Variants in RASA1 observed in about 807,000 individuals in gnomAD.
RASA1 encodes the protein RAS p21 protein activator 1.
Under a neutral mutation model 132.2 loss-of-function variants are expected in RASA1, and 25 were observed. The observed-to-expected ratio is 0.19, with a 90% CI of 0.14 to 0.26. The LOEUF is 0.26. Ranked by LOEUF, RASA1 falls within the 10% of genes least tolerant of loss-of-function variation. The pLI, the probability that RASA1 is intolerant of heterozygous loss-of-function variation, is 1.00. For synonymous variants in RASA1, 477 were observed against 449.9 expected, an observed-to-expected ratio of 1.06 and a Z score of -0.76; for missense variants, 964 against 1,299.2, an observed-to-expected ratio of 0.74 and a Z score of 3.97.
intron 1 of RASA1, among the ~76,000 whole-genome samples, chr5:87,297,334 GTATACA>G (rs2112277697): frequency 6.6e-6 from 1 of 152,210 alleles, no homozygotes; most frequent in South Asian, 2.1e-4. Context: ...TTATTGAAAG[GTATACA>G]TGATGTACTA....
intron 1 of RASA1, among the ~76,000 whole-genome samples, chr5:87,272,403 A>T (rs1753885273): frequency 6.6e-6 from 1 of 152,132 alleles, no homozygotes; most frequent in South Asian, 2.1e-4. Context: ...TGTAGTGGTT[A>T]AGCGTGCAGA....
At chr5:87,307,299 C>T (rs1295705606) in intron 1 of RASA1, among the ~76,000 whole-genome samples, 1 of 152,062 alleles carries the variant, frequency 6.6e-6, no homozygotes, top group Non-Finnish European at 1.5e-5. Flanking sequence ...TTTTTATGCT[C>T]TAGTAAGTGT....
intron 1 of RASA1, among the ~76,000 whole-genome samples, chr5:87,302,759 C>T (rs1268188952): frequency 1.3e-5 from 2 of 151,080 alleles, no homozygotes; most frequent in Non-Finnish European, 2.9e-5. Flanking sequence ...GCCTAATACG[C>T]ACACCACCTC....
rs1756740944 is a variant in RASA1 at position 87,320,847 on chromosome 5, T to C, written c.540-10501T>C. ...AAGCAAAAATTGAATGATGACTGCATTGTGAAAAGACAAGGTGAAAACAAG... is the reference window on the plus strand; with the variant it reads ...AAGCAAAAATTGAATGATGACTGCACTGTGAAAAGACAAGGTGAAAACAAG... On this transcript the variant is annotated intron_variant, in intron 1 of 24. Coordinates refer to ENST00000274376, the MANE Select transcript of RASA1 (RefSeq NM_002890.3). Among the ~76,000 whole-genome samples, 7 of 152,322 alleles carry C rather than the reference T, an allele frequency of 4.6e-5. No homozygotes were observed. The South Asian group carries it at 1.5e-3, about 32-fold the overall frequency.
chr5:87,271,731 C>T lies in RASA1; in HGVS notation c.539+2741C>T, dbSNP rs191114321. Among the ~76,000 whole-genome samples the T allele has an allele frequency of 5.3e-5, 8 of 152,006 alleles. No individual in the cohort carries two copies. The East Asian group carries it at 1.5e-3, about 29-fold the overall frequency. On this transcript the variant is annotated intron_variant, in intron 1 of 24. Coordinates refer to ENST00000274376, the MANE Select transcript of RASA1 (RefSeq NM_002890.3). Reference sequence around the variant, plus strand: ...CTCTGACCTCAGGTGATCCACTTGCCTCCCGAAGTGCTGGGATTACAGGTG... The same window carrying T: ...CTCTGACCTCAGGTGATCCACTTGCTTCCCGAAGTGCTGGGATTACAGGTG...
chr5:87,273,700 CTTTTTTTTTTTT>C (rs539277152), intron 1 of RASA1, among the ~76,000 whole-genome samples: 1 of 138,390 alleles, frequency 7.2e-6, no homozygotes, highest in African/African-American at 2.6e-5. Context: ...TTTTCTTTTT[CTTTTTTTTTTTT>C]TTTGAGATGG....
chr5:87,350,534 CTT>C (rs1208555208), intron 8 of RASA1, among the ~76,000 whole-genome samples: 1 of 151,568 alleles, frequency 6.6e-6, no homozygotes, highest in African/African-American at 2.4e-5. Flanking sequence ...TTGTTACTAA[CTT>C]AAACTTCCTT....
At position 87,374,291 on chromosome 5, in the gene RASA1, C is replaced by T; in HGVS notation, c.1905C>T (p.Asn635=). ...VAKTHAREGQ[N]PVWSEEFVFD... ...AAACTCATGCAAGGGAAGGGCAAAACCCAGTATGGTCAGAAGAGTTTGTCT... is the reference window on the plus strand; with the variant it reads ...AAACTCATGCAAGGGAAGGGCAAAATCCAGTATGGTCAGAAGAGTTTGTCT... The change falls in exon 14 of 25, where the codon AAC becomes AAT. Residue 635 remains asparagine (N), a synonymous_variant. Coordinates refer to ENST00000274376, the MANE Select transcript of RASA1 (RefSeq NM_002890.3). 1 of 1,605,788 alleles carries T rather than the reference C, an allele frequency of 6.2e-7. No individual in the cohort carries two copies. The highest frequency in any genetic ancestry group is 8.5e-7 in the Non-Finnish European group (1 of 1,175,362).
chr5:87,317,110 C>T (rs563466455), intron 1 of RASA1, among the ~76,000 whole-genome samples: 3 of 151,982 alleles, frequency 2.0e-5, no homozygotes, highest in East Asian at 1.9e-4. Context: ...CTTAAGTTCC[C>T]GGCCTCATGT....
At chr5:87,368,813 T>A (rs1009765866) in intron 11 of RASA1, among the ~76,000 whole-genome samples, 43 of 152,110 alleles carry the variant, frequency 2.8e-4, no homozygotes, top group Non-Finnish European at 1.5e-5. Context: ...GAATGTCGGG[T>A]TAATTATAGT....
intron 1 of RASA1, among the ~76,000 whole-genome samples, chr5:87,329,272 C>CT (rs1301272612): frequency 2.7e-5 from 4 of 147,812 alleles, no homozygotes; most frequent in African/African-American, 1.0e-4. Flanking sequence ...TGGCAAAACT[C>CT]TGTCTCTCCA....
At chr5:87,338,368 G>A (rs2112387581) in intron 5 of RASA1, among the ~76,000 whole-genome samples, 1 of 150,486 alleles carries the variant, frequency 6.6e-6, no homozygotes, top group South Asian at 2.1e-4. Context: ...GTCTTGGTCT[G>A]TTACCCAGGC....
chr5:87,380,629 A>G (rs1419591086), intron 20 of RASA1, 34 bp downstream of exon 20: 2 of 1,508,876 alleles, frequency 1.3e-6, no homozygotes, highest in East Asian at 2.3e-5. Context: ...TAAATCACAT[A>G]CTAATAGGTG....
At chr5:87,390,540 G>T (rs1762431992) in intron 24 of RASA1, among the ~76,000 whole-genome samples, 1 of 152,152 alleles carries the variant, frequency 6.6e-6, no homozygotes, top group South Asian at 2.1e-4. Context: ...ATGTGATAGT[G>T]TGATAGTTCT....
chr5:87,300,846 G>A (rs908371144), intron 1 of RASA1, among the ~76,000 whole-genome samples: 7 of 152,128 alleles, frequency 4.6e-5, no homozygotes, highest in African/African-American at 9.7e-5. Context: ...AATCCTGAGA[G>A]GTATAAAACT....
intron 24 of RASA1, 45 bp from the exon 25 acceptor site, chr5:87,390,755 T>G: frequency 2.0e-6 from 3 of 1,520,738 alleles, no homozygotes; most frequent in African/African-American, 1.4e-5. Flanking sequence ...CTGAAATTGC[T>G]GACCGAGCTT....
intron 24 of RASA1, 141 bp downstream of exon 24, chr5:87,389,668 A>G (rs1762339481): frequency 1.7e-6 from 2 of 1,160,832 alleles, no homozygotes; most frequent in East Asian, 2.5e-5. Flanking sequence ...AAAAGATCTC[A>G]GCAGACAGAA....
intron 1 of RASA1, among the ~76,000 whole-genome samples, chr5:87,273,990 G>A (rs186584090): frequency 1.8e-3 from 281 of 152,230 alleles, no homozygotes; most frequent in Non-Finnish European, 2.3e-3. Context: ...GAGCCACCTC[G>A]CGGCCAATAG....
rs192686214 is a variant in RASA1, at chr5:87,384,535, G to T, written c.2758+755G>T. ...CACATCTCTGTAATTATCTTTTATT[G>T]CTACTAAAGTGGTTAAATCTATAAA... On this transcript the variant is annotated intron_variant, in intron 21 of 24. Transcript: ENST00000274376. Among the ~76,000 whole-genome samples, 506 of 152,000 alleles carry T rather than the reference G, an allele frequency of 3.3e-3. 1 individual carries two copies. The highest frequency in any genetic ancestry group is 5.0e-3 in the Non-Finnish European group (339 of 67,924).
Sources: gnomAD v4.1 joint callset for allele counts (sites outside exome capture counted in the v4.1 genomes callset) on GRCh38, gnomAD v4.1.1 for gene constraint, MANE v1.5 for transcripts, NCBI Gene and HGNC (gene_info 2026-07-23, HGNC 2026-07-21) for gene names.